Variants in ICA1 observed in about 807,000 individuals in gnomAD.
ICA1 encodes 69 kDa islet cell autoantigen.
ICA1 carries 40 observed loss-of-function variants against 71.0 expected under a neutral mutation model. The observed-to-expected ratio is 0.56, with a 90% confidence interval of 0.44 to 0.73. The LOEUF is 0.73. Ranked by LOEUF, ICA1 falls within the 30% of genes least tolerant of loss-of-function variation. The pLI is 0.00. For synonymous variants in ICA1, 207 were observed against 209.5 expected, an observed-to-expected ratio of 0.99 and a Z score of 0.10; for missense variants, 578 against 576.5, an observed-to-expected ratio of 1.00 and a Z score of -0.03.
At chr7:8,165,330 G>C (rs1297672591) in intron 6 of ICA1, among the ~76,000 whole-genome samples, 1 of 152,200 alleles carries the variant, frequency 6.6e-6, no homozygotes, top group African/African-American at 2.4e-5. Context: ...ATGTGTAAGT[G>C]AATGTGTGTG....
At chr7:8,216,091 C>T (rs1006384692) in intron 6 of ICA1, among the ~76,000 whole-genome samples, 9 of 152,240 alleles carry the variant, frequency 5.9e-5, no homozygotes, top group Non-Finnish European at 8.8e-5. Flanking sequence ...TGCAAAACCA[C>T]ATAAGTCAAT....
intron 2 of ICA1, among the ~76,000 whole-genome samples, chr7:8,235,017 A>C (rs1563133567): frequency 6.6e-6 from 1 of 152,014 alleles, no homozygotes; most frequent in East Asian, 1.9e-4. Context: ...TACAAAAATT[A>C]GCCAGGCGTG....
In ICA1 at chr7:8,167,577, C is replaced by G. The variant is rs531980411; in HGVS notation, c.580-8925G>C. Among the ~76,000 whole-genome samples, 23 of 152,236 alleles carry G rather than the reference C, an allele frequency of 1.5e-4. 1 individual carries two copies. The South Asian group carries it at 4.6e-3, about 30-fold the overall frequency. On this transcript the variant is annotated intron_variant, in intron 6 of 13. Coordinates refer to ENST00000402384, the MANE Select transcript of ICA1 (RefSeq NM_001136020.3). The stretch of plus-strand genomic sequence containing the variant: ...ATAATCTGTACACCAAACCCCCCGG[C>G]ATGTAATTTACCTAAATAACAAACC...
At chr7:8,257,760 T>C (rs1313035171) in intron 1 of ICA1, among the ~76,000 whole-genome samples, 1 of 152,178 alleles carries the variant, frequency 6.6e-6, no homozygotes, top group Non-Finnish European at 1.5e-5. Flanking sequence ...TCCACAACCA[T>C]GCAACGAATA....
At chr7:8,150,665 G>A (rs1584573055) in intron 8 of ICA1, among the ~76,000 whole-genome samples, 3 of 152,226 alleles carry the variant, frequency 2.0e-5, no homozygotes, top group East Asian at 1.9e-4. Flanking sequence ...TTGGGAGATC[G>A]AGAGGACTTC....
rs114264282 is a variant in ICA1, at chr7:8,239,621, T to C, written c.-79-3616A>G. ...CTTCTCACCCAGGAAGTGCAAGGGG[T>C]CGGGGGATTTCCCTTTCCAAGCTGA... On this transcript the variant is annotated intron_variant, in intron 1 of 13. Transcript: ENST00000402384. 6.0e-3 allele frequency among the ~76,000 whole-genome samples: 908 copies of C among 152,198 alleles called. 12 individuals are homozygous for C. The highest frequency in any genetic ancestry group is 0.02 in the African/African-American group (841 of 41,530).
At chr7:8,128,594 G>C (rs1172513174) in intron 12 of ICA1, among the ~76,000 whole-genome samples, 1 of 152,114 alleles carries the variant, frequency 6.6e-6, no homozygotes, top group East Asian at 1.9e-4. Context: ...AGGATGGGGA[G>C]AGAACTTTCA....
chr7:8,150,862 C>G (rs960313594), intron 8 of ICA1, among the ~76,000 whole-genome samples: 3 of 152,250 alleles, frequency 2.0e-5, no homozygotes, highest in African/African-American at 7.2e-5. Flanking sequence ...TCCAGAAGTG[C>G]CCCTGGGAAG....
At chr7:8,235,101 T>C (rs1413674713) in intron 2 of ICA1, among the ~76,000 whole-genome samples, 2 of 151,872 alleles carry the variant, frequency 1.3e-5, no homozygotes, top group African/African-American at 2.4e-5. Context: ...GAGGCGGAGG[T>C]TGCAGTGAGC....
chr7:8,260,575 T>C (rs1159549669), intron 1 of ICA1, among the ~76,000 whole-genome samples: 2 of 152,100 alleles, frequency 1.3e-5, no homozygotes, highest in African/African-American at 4.8e-5. Flanking sequence ...TTTCCCTTTG[T>C]AATACAAACA....
intron 6 of ICA1, among the ~76,000 whole-genome samples, chr7:8,163,419 T>C (rs529562356): frequency 9.8e-5 from 15 of 152,368 alleles, no homozygotes; most frequent in Non-Finnish European, 2.1e-4. Context: ...TTATAGGAGA[T>C]AGCTCTGGCC....
intron 6 of ICA1, among the ~76,000 whole-genome samples, chr7:8,167,646 A>G (rs536404651): frequency 2.6e-5 from 4 of 152,306 alleles, no homozygotes; most frequent in African/African-American, 9.6e-5. Flanking sequence ...AAAAAAAAGC[A>G]TTATTAAACA....
intron 13 of ICA1, among the ~76,000 whole-genome samples, chr7:8,117,932 T>C (rs762367945): frequency 3.9e-5 from 6 of 152,216 alleles, no homozygotes; most frequent in Non-Finnish European, 7.3e-5. Flanking sequence ...AGTTTACACT[T>C]TCATCTCATT....
chr7:8,203,809 G>C (rs1489237681), intron 6 of ICA1, among the ~76,000 whole-genome samples: 3 of 152,098 alleles, frequency 2.0e-5, no homozygotes, highest in African/African-American at 7.2e-5. Flanking sequence ...TTAAACCTGT[G>C]GGGCAATTTG....
chr7:8,207,322 A>G (rs962655547), intron 6 of ICA1, among the ~76,000 whole-genome samples: 2 of 152,364 alleles, frequency 1.3e-5, no homozygotes, highest in African/African-American at 4.8e-5. Flanking sequence ...ATTTCATTTC[A>G]GAGTTATACC....
rs1053985657 is a variant in ICA1, at chr7:8,144,522, C to T, written c.805-550G>A. Among the ~76,000 whole-genome samples, 3 of 152,208 alleles carry T rather than the reference C, an allele frequency of 2.0e-5. No homozygotes were observed. Among genetic ancestry groups the T allele is most frequent in the Non-Finnish European group, 1.5e-5 (1 of 68,040 alleles). ...CTTAACATATTCTGACAACCTAACT[C>T]CCACGAGTGGACAGAGCAGGTGCAT... On this transcript the variant is annotated intron_variant, in intron 8 of 13. Transcript: ENST00000402384. This position sits in a 1 kb window ranked among gnomAD's most constrained non-coding sequence, Gnocchi z 4.5.
At chr7:8,211,610 T>C (rs577184259) in intron 6 of ICA1, among the ~76,000 whole-genome samples, 2 of 152,278 alleles carry the variant, frequency 1.3e-5, no homozygotes, top group Admixed American at 6.5e-5. Context: ...TACAGTTCCA[T>C]TGCACAACAA....
rs368139449 is a variant in ICA1 at position 8,225,257 on chromosome 7, G to C, written c.256+3344C>G. ...TTAATTAACTGAAATTATTTTATGA[G>C]AAAAAGCTGTCCCTTCTCCACCATT... On this transcript the variant is annotated intron_variant, in intron 4 of 13. Coordinates refer to ENST00000402384, the MANE Select transcript of ICA1 (RefSeq NM_001136020.3). Among the ~76,000 whole-genome samples the C allele has an allele frequency of 5.3e-5, 8 of 152,196 alleles. No individual in the cohort carries two copies. The East Asian group carries it at 1.4e-3, about 26-fold the overall frequency.
At chr7:8,180,761 T>C (rs1781965166) in intron 6 of ICA1, among the ~76,000 whole-genome samples, 2 of 152,148 alleles carry the variant, frequency 1.3e-5, no homozygotes, top group Non-Finnish European at 2.9e-5. Flanking sequence ...GTTGGCAATT[T>C]TGATATTTCC....
Sources: gnomAD v4.1 joint callset for allele counts (sites outside exome capture counted in the v4.1 genomes callset) on GRCh38, gnomAD v4.1.1 for gene constraint, Gnocchi (gnomAD v3.1) non-coding constraint, MANE v1.5 for transcripts, NCBI Gene and HGNC (gene_info 2026-07-23, HGNC 2026-07-21) for gene names.